The following NEAT1 variants were observed in gnomAD, a reference collection of about 807,000 sequenced individuals.
NEAT1 encodes the protein nuclear paraspeckle assembly transcript 1.
exon 1 of NEAT1, chr11:65,435,380 A>G (rs925667172): frequency 1.3e-5 from 2 of 152,126 alleles, no homozygotes; most frequent in South Asian, 2.1e-4. Flanking sequence ...AATGTATCCT[A>G]TTATTCTCTG....
At chr11:65,423,554 T>C (rs1856524775) in exon 1 of NEAT1, 1 of 152,394 alleles carries the variant, frequency 6.6e-6, no homozygotes. Flanking sequence ...ACCTAGCATG[T>C]TTGACAGGCG....
At chr11:65,424,636 T>C (rs1053986967) in exon 1 of NEAT1, 5 of 152,288 alleles carry the variant, frequency 3.3e-5, no homozygotes, top group East Asian at 3.9e-4. Context: ...AAGGGTGTCA[T>C]TGTGTTGTGC....
At chr11:65,423,043 C>T (rs755927726) in exon 1 of NEAT1, 2 of 152,338 alleles carry the variant, frequency 1.3e-5, no homozygotes, top group Admixed American at 6.5e-5. Context: ...GCCAGGCTGT[C>T]CCTACTGCCT....
exon 1 of NEAT1, chr11:65,438,691 AG>A (rs1434987065): frequency 2.0e-4 from 30 of 152,246 alleles, no homozygotes; most frequent in African/African-American, 7.2e-4. Context: ...GCGGGTTTTC[AG>A]GGTTCATTCA....
At chr11:65,428,943 T>C (rs1156750966) in exon 1 of NEAT1, 2 of 152,214 alleles carry the variant, frequency 1.3e-5, no homozygotes, top group African/African-American at 2.4e-5. Flanking sequence ...TTTGGAAGAT[T>C]TCTTTTGTAT....
At chr11:65,436,037 C>G (rs1189311788) in exon 1 of NEAT1, 2 of 152,244 alleles carry the variant, frequency 1.3e-5, no homozygotes, top group Non-Finnish European at 2.9e-5. Context: ...CTCCGCTGGG[C>G]ACAGCGTGGC....
At chr11:65,431,863 A>C (rs150827678) in exon 1 of NEAT1, 1 of 152,266 alleles carries the variant, frequency 6.6e-6, no homozygotes, top group Non-Finnish European at 1.5e-5. Context: ...TTATTCCATA[A>C]GGTTACTTTT....
chr11:65,444,418 G>A (rs1437125529), exon 1 of NEAT1: 6 of 471,012 alleles, frequency 1.3e-5, no homozygotes, highest in African/African-American at 8.0e-5. Context: ...CCTGACATGT[G>A]TGTCCCTGAG....
chr11:65,427,055 T>G (rs771092446), exon 1 of NEAT1: 19 of 152,128 alleles, frequency 1.2e-4, no homozygotes, highest in Non-Finnish European at 2.2e-4. Flanking sequence ...CGTCTGGGCT[T>G]CCCTGTGTGC....
exon 1 of NEAT1, chr11:65,440,842 C>CAAAAAAA (rs746947504): frequency 2.8e-5 from 1 of 35,536 alleles, no homozygotes; most frequent in East Asian, 7.4e-4. Context: ...GATTCCGTCT[C>CAAAAAAA]AAAAAAAAAA....
chr11:65,436,192 C>T (rs2134901535), exon 1 of NEAT1: 1 of 152,394 alleles, frequency 6.6e-6, no homozygotes, highest in Middle Eastern at 3.4e-3. Flanking sequence ...AGCGAGGCAC[C>T]ACCCGGCTTG....
exon 1 of NEAT1, chr11:65,442,719 A>T (rs1210116140): frequency 6.6e-6 from 1 of 152,100 alleles, no homozygotes; most frequent in Non-Finnish European, 1.5e-5. Context: ...ATCTCTACTA[A>T]AACTACAAAA....
chr11:65,435,663 G>C (rs1459713179), exon 1 of NEAT1: 5 of 152,200 alleles, frequency 3.3e-5, no homozygotes, highest in Non-Finnish European at 7.3e-5. Context: ...TGGTGACACT[G>C]TTTTGTGAGA....
exon 1 of NEAT1, chr11:65,425,567 G>A (rs1175282466): frequency 6.6e-6 from 1 of 152,168 alleles, no homozygotes; most frequent in East Asian, 1.9e-4. Flanking sequence ...TCTTAGAAAA[G>A]CCTTGTAAAT....
At chr11:65,439,122 C>A (rs1167723276) in exon 1 of NEAT1, 1 of 152,170 alleles carries the variant, frequency 6.6e-6, no homozygotes, top group Non-Finnish European at 1.5e-5. Context: ...ATTTGCATTT[C>A]TCTGATGAGT....
exon 1 of NEAT1, chr11:65,424,450 G>A (rs1005509174): frequency 1.3e-5 from 2 of 152,230 alleles, no homozygotes; most frequent in Non-Finnish European, 2.9e-5. Context: ...ATGCCTTGTA[G>A]ATGGAGCTTG....
chr11:65,426,231 G>A (rs1278700538), exon 1 of NEAT1: 1 of 151,884 alleles, frequency 6.6e-6, no homozygotes, highest in Admixed American at 6.6e-5. Context: ...CTGTCTTCTG[G>A]GTTCCATTTT....
exon 1 of NEAT1, chr11:65,425,221 AT>A (rs1856549342): frequency 6.6e-6 from 1 of 152,138 alleles, no homozygotes. Flanking sequence ...ACAAACAAAA[AT>A]TGTTTTGCTT....
At chr11:65,424,332 A>G (rs1329087276) in exon 1 of NEAT1, 1 of 152,176 alleles carries the variant, frequency 6.6e-6, no homozygotes, top group Non-Finnish European at 1.5e-5. Flanking sequence ...CAGATGCTGC[A>G]TCTTCTAAAT....
Sources: gnomAD v4.1 joint callset for allele counts on GRCh38, gnomAD v4.1.1 for gene constraint, MANE v1.5 for transcripts, NCBI Gene and HGNC (gene_info 2026-07-23, HGNC 2026-07-21) for gene names.